The following JAKMIP2 variants were observed in gnomAD, a reference collection of about 807,000 sequenced individuals.
JAKMIP2 encodes the protein janus kinase and microtubule interacting protein 2, also known as janus kinase and microtubule-interacting protein 2.
In JAKMIP2, 25 loss-of-function variants were observed where a neutral mutation model predicts 115.0. The observed-to-expected ratio is 0.22, with a 90% CI of 0.16 to 0.30. The LOEUF (loss-of-function observed/expected upper bound fraction) is 0.30, where lower values mean the gene tolerates loss of function less well. JAKMIP2 is among the 10% of genes least tolerant of loss of function. The pLI is 1.00. For synonymous variants in JAKMIP2, 334 were observed against 343.6 expected (o/e 0.97, Z 0.31); for missense variants, 642 against 957.6 (o/e 0.67, Z 4.35).
intron 2 of JAKMIP2, among the ~76,000 whole-genome samples, chr5:147,669,833 G>A (rs1759489823): frequency 6.6e-6 from 1 of 152,132 alleles, no homozygotes; most frequent in Admixed American, 6.5e-5. Flanking sequence ...CTGCTTTACC[G>A]AATTACAAGT....
chr5:147,592,818 C>T (rs116898267), intron 21 of JAKMIP2, among the ~76,000 whole-genome samples: 127 of 152,274 alleles, frequency 8.3e-4, no homozygotes, highest in East Asian at 6.8e-3. Flanking sequence ...AAAGGAGGCA[C>T]TTAGTACCCC....
chr5:147,700,342 T>C (rs2126882709), intron 1 of JAKMIP2, among the ~76,000 whole-genome samples: 1 of 152,248 alleles, frequency 6.6e-6, no homozygotes, highest in South Asian at 2.1e-4. Flanking sequence ...AAATGGATGG[T>C]AAACATTAGG....
At position 147,608,346 on chromosome 5, in the gene JAKMIP2, T is replaced by TATAA. The variant is rs1756138323; in HGVS notation, c.2412+3959_2412+3960insTTAT. ...ATTTCCCTCTAAACACTGTTTTAGCTGTGTCCCAGAGATTCTGTTATGTTG... is the reference window on the plus strand; with the variant it reads ...ATTTCCCTCTAAACACTGTTTTAGCTATAAGTGTCCCAGAGATTCTGTTATGTTG... On this transcript the variant is annotated intron_variant, in intron 20 of 21. Transcript: ENST00000616793. Among the ~76,000 whole-genome samples the TATAA allele has an allele frequency of 2.6e-5, 4 of 152,358 alleles. No homozygotes were observed. In the South Asian group the frequency reaches 8.3e-4, roughly 32 times the overall value.
At chr5:147,675,863 T>C (rs891261140) in intron 1 of JAKMIP2, among the ~76,000 whole-genome samples, 2 of 150,982 alleles carry the variant, frequency 1.3e-5, no homozygotes, top group Admixed American at 1.3e-4. Flanking sequence ...TGTTGTAGCA[T>C]GGATTGATAC....
intron 1 of JAKMIP2, among the ~76,000 whole-genome samples, chr5:147,756,776 T>C (rs1375842081): frequency 6.6e-6 from 1 of 152,138 alleles, no homozygotes; most frequent in Non-Finnish European, 1.5e-5. Flanking sequence ...TGGTAGCTGC[T>C]GTTTCCAGAT....
At chr5:147,703,975 G>A (rs1752472876) in intron 1 of JAKMIP2, among the ~76,000 whole-genome samples, 1 of 151,930 alleles carries the variant, frequency 6.6e-6, no homozygotes, top group African/African-American at 2.4e-5. Context: ...ATTACCTTAG[G>A]CCTGCACAGG....
intron 1 of JAKMIP2, among the ~76,000 whole-genome samples, chr5:147,776,067 T>C (rs1001485361): frequency 2.6e-5 from 4 of 152,192 alleles, no homozygotes; most frequent in Non-Finnish European, 4.4e-5. Flanking sequence ...GAGTCAACCA[T>C]TCATATTTAA....
At chr5:147,609,677 T>C (rs1756211701) in intron 20 of JAKMIP2, among the ~76,000 whole-genome samples, 5 of 152,090 alleles carry the variant, frequency 3.3e-5, no homozygotes, top group Admixed American at 3.3e-4. Flanking sequence ...TCTCGAGGAG[T>C]ATCTTTGTGG....
intron 20 of JAKMIP2, among the ~76,000 whole-genome samples, chr5:147,605,203 ATTTTTTTTTT>A (rs71001447): frequency 9.9e-6 from 1 of 100,518 alleles, no homozygotes; most frequent in Admixed American, 1.1e-4. Flanking sequence ...TATGTGCCAC[ATTTTTTTTTT>A]TTTTTTTTTT....
At chr5:147,710,910 G>C (rs1006942000) in intron 1 of JAKMIP2, among the ~76,000 whole-genome samples, 6 of 152,038 alleles carry the variant, frequency 3.9e-5, no homozygotes, top group Middle Eastern at 3.2e-3. Flanking sequence ...AAAGTGTCTA[G>C]GTAACAAATG....
intron 1 of JAKMIP2, among the ~76,000 whole-genome samples, chr5:147,693,755 T>C (rs2126867082): frequency 6.6e-6 from 1 of 152,342 alleles, no homozygotes; most frequent in South Asian, 2.1e-4. Flanking sequence ...GCACTTTCGT[T>C]TCAGTCCTGT....
At chr5:147,602,509 T>C (rs974621963) in intron 20 of JAKMIP2, among the ~76,000 whole-genome samples, 25 of 152,228 alleles carry the variant, frequency 1.6e-4, no homozygotes, top group Non-Finnish European at 2.9e-4. Flanking sequence ...CGTGATGTTG[T>C]TCCACCTCCA....
At chr5:147,690,753 T>C (rs901052278) in intron 1 of JAKMIP2, among the ~76,000 whole-genome samples, 10 of 151,534 alleles carry the variant, frequency 6.6e-5, no homozygotes, top group African/African-American at 1.9e-4. Flanking sequence ...CTCAGGTGAG[T>C]GTGTAGCTCC....
At chr5:147,656,425 C>T (rs1259240754) in intron 3 of JAKMIP2, among the ~76,000 whole-genome samples, 1 of 152,172 alleles carries the variant, frequency 6.6e-6, no homozygotes, top group African/African-American at 2.4e-5. Flanking sequence ...GAATTGATCC[C>T]TTTACCATTA....
intron 1 of JAKMIP2, among the ~76,000 whole-genome samples, chr5:147,720,619 C>A (rs1490467283): frequency 1.3e-5 from 2 of 152,190 alleles, no homozygotes; most frequent in African/African-American, 4.8e-5. Flanking sequence ...TCGCTGATAT[C>A]CTTTCTTCCA....
At chr5:147,710,541 C>A (rs1395790629) in intron 1 of JAKMIP2, among the ~76,000 whole-genome samples, 1 of 152,092 alleles carries the variant, frequency 6.6e-6, no homozygotes, top group Admixed American at 6.5e-5. Context: ...TCAATTAACT[C>A]CTTAGGCTCC....
chr5:147,637,510 G>C (rs543276559), intron 10 of JAKMIP2, among the ~76,000 whole-genome samples: 93 of 143,774 alleles, frequency 6.5e-4, no homozygotes, highest in African/African-American at 2.3e-3. Context: ...CACAATCTCA[G>C]CTTACTGCAA....
At chr5:147,768,176 C>A (rs966180224) in intron 1 of JAKMIP2, among the ~76,000 whole-genome samples, 9 of 152,048 alleles carry the variant, frequency 5.9e-5, no homozygotes, top group African/African-American at 1.9e-4. Flanking sequence ...TAGATTTTTA[C>A]ATATTTGATA....
chr5:147,730,132 G>A (rs945084239), intron 1 of JAKMIP2, among the ~76,000 whole-genome samples: 1 of 152,144 alleles, frequency 6.6e-6, no homozygotes, highest in East Asian at 1.9e-4. Context: ...TGGCACACTC[G>A]GTGATTTCCT....
Sources: gnomAD v4.1 joint callset for allele counts (sites outside exome capture counted in the v4.1 genomes callset) on GRCh38, gnomAD v4.1.1 for gene constraint, MANE v1.5 for transcripts, NCBI Gene and HGNC (gene_info 2026-07-23, HGNC 2026-07-21) for gene names.